MINDY3: variants seen among roughly 807,000 people sequenced by gnomAD.
MINDY3 encodes the protein ubiquitin carboxyl-terminal hydrolase MINDY-3.
A neutral mutation model predicts 69.2 loss-of-function variants in MINDY3; 38 were observed. That is an observed-to-expected ratio of 0.55 (90% CI 0.42 to 0.72). MINDY3 has a LOEUF of 0.72. Among genes scored for constraint, MINDY3 ranks in the 30% least tolerant of loss-of-function variants. The pLI, the probability that MINDY3 is intolerant of heterozygous loss-of-function variation, is 0.00. For synonymous variants in MINDY3, 192 were observed against 180.1 expected (o/e 1.07, Z -0.53); for missense variants, 522 against 519.0 (o/e 1.01, Z -0.06).
At chr10:15,833,915 T>A (rs1362673361) in intron 7 of MINDY3, among the ~76,000 whole-genome samples, 1 of 152,100 alleles carries the variant, frequency 6.6e-6, no homozygotes, top group Non-Finnish European at 1.5e-5. Context: ...TTTATTGTTC[T>A]ACATATTCAC....
chr10:15,837,225 C>G lies in MINDY3; in HGVS notation c.555G>C (p.Leu185=). 6.3e-7 allele frequency: 1 copy of G among 1,598,726 alleles called. No individual in the cohort carries two copies. The highest frequency in any genetic ancestry group is 8.6e-7 in the Non-Finnish European group (1 of 1,169,538). Residue 185 remains leucine (L), a synonymous_variant, in exon 6 of 15, where the codon CTG becomes CTC. Coordinates refer to ENST00000277632, the MANE Select transcript of MINDY3 (RefSeq NM_024948.4). ...WGNKFGVLLF[L]YSVLLTKGIE... ...ACACCTTTGTCAGTAATACAGAATA[C>G]AGAAAAAGCAATACTCCAAATTTAT...
chr10:15,792,965 C>A (rs1286989838), intron 11 of MINDY3, among the ~76,000 whole-genome samples: 1 of 151,986 alleles, frequency 6.6e-6, no homozygotes, highest in Non-Finnish European at 1.5e-5. Flanking sequence ...CTCTTAAGTC[C>A]ATTTTACAGA....
At chr10:15,787,365 T>A (rs1837053012) in intron 12 of MINDY3, among the ~76,000 whole-genome samples, 1 of 152,150 alleles carries the variant, frequency 6.6e-6, no homozygotes, top group East Asian at 1.9e-4. Flanking sequence ...TTAATGGGTT[T>A]AAAAATGAAA....
intron 10 of MINDY3, among the ~76,000 whole-genome samples, chr10:15,798,227 T>C (rs767159300): frequency 5.3e-5 from 8 of 152,156 alleles, no homozygotes; most frequent in Admixed American, 1.3e-4. Context: ...TTTTTCTGGG[T>C]TAAATCTTTT....
intron 11 of MINDY3, 109 bp from the exon 12 acceptor site, chr10:15,789,428 G>C (rs1837247503): frequency 5.5e-6 from 4 of 729,204 alleles, no homozygotes; most frequent in Non-Finnish European, 9.3e-6. Context: ...AATACAAAGA[G>C]TTAACATACT....
chr10:15,851,506 T>C (rs1834295003), intron 1 of MINDY3, among the ~76,000 whole-genome samples: 1 of 151,958 alleles, frequency 6.6e-6, no homozygotes, highest in African/African-American at 2.4e-5. Flanking sequence ...TTCTGCTTGA[T>C]ACACCTGCTA....
chr10:15,796,440 C>T (rs559180377), intron 10 of MINDY3, among the ~76,000 whole-genome samples: 31 of 149,794 alleles, frequency 2.1e-4, no homozygotes, highest in South Asian at 4.2e-4. Context: ...TGGGGAAAAA[C>T]GTCTAATACA....
At chr10:15,790,700 T>C (rs1837342472) in intron 11 of MINDY3, among the ~76,000 whole-genome samples, 1 of 152,150 alleles carries the variant, frequency 6.6e-6, no homozygotes, top group Non-Finnish European at 1.5e-5. Flanking sequence ...AGAAATGTTT[T>C]AGATTTCAAA....
At chr10:15,815,972 A>T (rs775155960) in intron 10 of MINDY3, among the ~76,000 whole-genome samples, 4 of 152,206 alleles carry the variant, frequency 2.6e-5, no homozygotes, top group Non-Finnish European at 5.9e-5. Flanking sequence ...TGAAATAGAA[A>T]TATTCAGATA....
rs139082755 is a variant in MINDY3, at chr10:15,793,114, A to G, written c.955+2986T>C. The stretch of plus-strand genomic sequence containing the variant: ...TGATCATATTAATATATCTTTATCA[A>G]TCATTTTACAATAATTCCTATAAAA... On this transcript the variant is annotated intron_variant, in intron 11 of 14. Transcript: ENST00000277632. Among the ~76,000 whole-genome samples the G allele has an allele frequency of 2.1e-4, 32 of 152,282 alleles. No individual in the cohort carries two copies. The East Asian group carries it at 6.0e-3, about 29-fold the overall frequency.
At position 15,820,530 on chromosome 10, in the gene MINDY3, C is replaced by T. The variant is rs116311319; in HGVS notation, c.801+1126G>A. Among the ~76,000 whole-genome samples the T allele has an allele frequency of 3.6e-3, 544 of 152,224 alleles. 5 individuals carry two copies. The highest frequency in any genetic ancestry group is 0.013 in the African/African-American group (520 of 41,526). ...TATGTGTTAGGGGGAAGGGGACACA[C>T]TTTGATTCTCTAGTTGCCAGGCTGT... On this transcript the variant is annotated intron_variant, in intron 9 of 14. Transcript: ENST00000277632.
intron 1 of MINDY3, among the ~76,000 whole-genome samples, chr10:15,855,669 A>G (rs1472601727): frequency 6.6e-6 from 1 of 152,080 alleles, no homozygotes; most frequent in Non-Finnish European, 1.5e-5. Flanking sequence ...ACATATACAC[A>G]TTTTGCACAC....
rs1833957501 is a variant in MINDY3 at position 15,847,795 on chromosome 10, T to C, written c.174+69A>G. ...ATAATTACTATATGGAGTACAGACA[T>C]TAGAAAACGACAAGTATGAAACGTT... On this transcript the variant is annotated intron_variant, in intron 2 of 14. Coordinates refer to ENST00000277632, the MANE Select transcript of MINDY3 (RefSeq NM_024948.4). 3.6e-6 allele frequency: 4 copies of C among 1,096,106 alleles called. 1 individual carries two copies. The African/African-American group carries it at 4.7e-5, about 13-fold the overall frequency. The allele number at this position is 1,096,106 out of a possible 1,614,324, so 67.9% of individuals were successfully genotyped here. A position where few individuals can be genotyped will look rare whatever the true frequency, so the allele number is the denominator to read the frequency against.
intron 2 of MINDY3, 119 bp downstream of exon 2, chr10:15,847,745 G>A: frequency 1.7e-6 from 1 of 598,440 alleles, no homozygotes; most frequent in Non-Finnish European, 2.9e-6. Context: ...ATGAGCAAAA[G>A]TTAAGAGTTA....
intron 9 of MINDY3, chr10:15,817,513 C>G (rs1204102926): frequency 6.6e-6 from 1 of 152,116 alleles, no homozygotes; most frequent in Non-Finnish European, 1.5e-5. Context: ...ACTCTGCTCT[C>G]AAGGTTACAT....
chr10:15,837,159 G>T (rs1564515198), intron 6 of MINDY3, 45 bp downstream of exon 6: 2 of 1,130,758 alleles, frequency 1.8e-6, no homozygotes, highest in Non-Finnish European at 2.6e-6. Flanking sequence ...AAACAGCACT[G>T]AACAACATTA....
At chr10:15,824,081 G>C (rs1216707211) in intron 8 of MINDY3, among the ~76,000 whole-genome samples, 1 of 152,154 alleles carries the variant, frequency 6.6e-6, no homozygotes, top group Non-Finnish European at 1.5e-5. Context: ...GAATGGTGCT[G>C]CAATTAGCAT....
At chr10:15,829,218 G>A (rs1176149471) in intron 8 of MINDY3, among the ~76,000 whole-genome samples, 1 of 152,048 alleles carries the variant, frequency 6.6e-6, no homozygotes, top group Non-Finnish European at 1.5e-5. Flanking sequence ...TTAAATGGGA[G>A]TTAACATTTT....
At chr10:15,855,386 A>G (rs988814206) in intron 1 of MINDY3, among the ~76,000 whole-genome samples, 1 of 152,102 alleles carries the variant, frequency 6.6e-6, no homozygotes, top group African/African-American at 2.4e-5. Context: ...ACACAGCATT[A>G]CTTTTCTTCT....
Sources: gnomAD v4.1 joint callset for allele counts (sites outside exome capture counted in the v4.1 genomes callset) on GRCh38, gnomAD v4.1.1 for gene constraint, MANE v1.5 for transcripts, NCBI Gene and HGNC (gene_info 2026-07-23, HGNC 2026-07-21) for gene names.